SKAP1: variants seen among roughly 807,000 people sequenced by gnomAD.
SKAP1 encodes src kinase associated phosphoprotein 1.
A neutral mutation model predicts 58.5 loss-of-function variants in SKAP1; 44 were observed. That is an observed-to-expected ratio of 0.75 (90% CI 0.59 to 0.97). The LOEUF is 0.97. Ranked by LOEUF, SKAP1 falls within the 50% of genes least tolerant of loss-of-function variation. The pLI is 0.00. For synonymous variants in SKAP1, 127 were observed against 149.7 expected (o/e 0.85, Z 1.11); for missense variants, 390 against 435.2 (o/e 0.90, Z 0.92).
intron 11 of SKAP1, among the ~76,000 whole-genome samples, chr17:48,149,465 C>T (rs2063872400): frequency 6.6e-6 from 1 of 152,108 alleles, no homozygotes; most frequent in Admixed American, 6.5e-5. Flanking sequence ...TAATTTAATC[C>T]TCAAGATTGT....
At chr17:48,357,198 T>C (rs2066885929) in intron 3 of SKAP1, among the ~76,000 whole-genome samples, 1 of 152,208 alleles carries the variant, frequency 6.6e-6, no homozygotes, top group African/African-American at 2.4e-5. Context: ...CAATGATTTC[T>C]TTTACCTGCA....
intron 4 of SKAP1, among the ~76,000 whole-genome samples, chr17:48,345,663 A>G (rs963968231): frequency 6.6e-6 from 1 of 152,236 alleles, no homozygotes; most frequent in African/African-American, 2.4e-5. Context: ...ATCAATAATG[A>G]TGTCTTCCTG....
intron 4 of SKAP1, among the ~76,000 whole-genome samples, chr17:48,262,984 T>C (rs1325715611): frequency 6.6e-6 from 1 of 152,218 alleles, no homozygotes; most frequent in Admixed American, 6.5e-5. Flanking sequence ...TAGCTTTCAT[T>C]TCAAAACAGT....
At chr17:48,178,624 A>C (rs1344166117) in intron 9 of SKAP1, among the ~76,000 whole-genome samples, 1 of 152,192 alleles carries the variant, frequency 6.6e-6, no homozygotes, top group African/African-American at 2.4e-5. Context: ...TCTAACAGAC[A>C]CCTTCACTCT....
chr17:48,291,861 T>C (rs934877362), intron 4 of SKAP1, among the ~76,000 whole-genome samples: 7 of 152,196 alleles, frequency 4.6e-5, no homozygotes, highest in African/African-American at 1.7e-4. Flanking sequence ...GACTGCATAC[T>C]AGCGTTAATC....
intron 4 of SKAP1, among the ~76,000 whole-genome samples, chr17:48,248,566 C>G (rs1041798786): frequency 4.6e-5 from 7 of 151,834 alleles, no homozygotes; most frequent in Non-Finnish European, 8.8e-5. Flanking sequence ...GACTCCGTCT[C>G]AAAAAAGAAA....
chr17:48,193,941 C>G (rs1042888803), intron 4 of SKAP1, among the ~76,000 whole-genome samples: 1 of 151,874 alleles, frequency 6.6e-6, no homozygotes, highest in African/African-American at 2.4e-5. Flanking sequence ...AAAAAAGAAG[C>G]TTTTTATTCA....
chr17:48,421,940 C>T lies in SKAP1; in HGVS notation c.46+8135G>A, dbSNP rs370010641. Among the ~76,000 whole-genome samples the T allele has an allele frequency of 8.5e-5, 13 of 152,116 alleles. No homozygotes were observed. The East Asian group carries it at 9.7e-4, about 11-fold the overall frequency. On this transcript the variant is annotated intron_variant, in intron 1 of 12. Transcript: ENST00000336915. Reference sequence around the variant, plus strand: ...GAATCCCTAAAAGTCGGGCTGGGAGCGGTGGCTCACACCTGTAATCTCAGC... The same window carrying T: ...GAATCCCTAAAAGTCGGGCTGGGAGTGGTGGCTCACACCTGTAATCTCAGC...
chr17:48,396,561 A>T, intron 2 of SKAP1, 119 bp downstream of exon 2: 1 of 574,432 alleles, frequency 1.7e-6, no homozygotes, highest in Non-Finnish European at 3.0e-6. Context: ...AATATTTATT[A>T]AGTTTCTGCC....
intron 4 of SKAP1, among the ~76,000 whole-genome samples, chr17:48,195,056 A>C (rs1264844226): frequency 2.0e-5 from 3 of 152,194 alleles, no homozygotes; most frequent in African/African-American, 7.2e-5. Context: ...CCTCAAATGT[A>C]CCAAGGTGAG....
intron 2 of SKAP1, among the ~76,000 whole-genome samples, chr17:48,394,134 G>C (rs2067385375): frequency 6.6e-6 from 1 of 151,914 alleles, no homozygotes; most frequent in Non-Finnish European, 1.5e-5. Flanking sequence ...GAGGTCGGGG[G>C]ATCGCTTGAG....
chr17:48,431,657 C>T (rs139701836), upstream of SKAP1, among the ~76,000 whole-genome samples: 131 of 152,218 alleles, frequency 8.6e-4, 1 homozygote, highest in African/African-American at 2.9e-3. Flanking sequence ...ACCAGAGCTC[C>T]GGGGTGGTAT....
At chr17:48,137,391 A>G (rs1242455320) in intron 11 of SKAP1, 54 bp from the exon 12 acceptor site, 2 of 1,244,094 alleles carry the variant, frequency 1.6e-6, no homozygotes, top group Non-Finnish European at 1.2e-6. Context: ...GCTTCTGCTC[A>G]TTTATTCTAG....
intron 5 of SKAP1, among the ~76,000 whole-genome samples, chr17:48,188,586 C>A (rs1366520033): frequency 6.6e-6 from 1 of 152,038 alleles, no homozygotes; most frequent in African/African-American, 2.4e-5. Flanking sequence ...CTTTGACAGG[C>A]TGAAGTGGGA....
At chr17:48,357,592 T>C (rs1301093873) in intron 3 of SKAP1, among the ~76,000 whole-genome samples, 1 of 151,914 alleles carries the variant, frequency 6.6e-6, no homozygotes, top group African/African-American at 2.4e-5. Context: ...ATCGTGCCAC[T>C]GCACTCCAGC....
intron 10 of SKAP1, among the ~76,000 whole-genome samples, chr17:48,165,964 A>G (rs2064133834): frequency 1.3e-5 from 2 of 152,232 alleles, no homozygotes; most frequent in African/African-American, 4.8e-5. Flanking sequence ...GCATTTCTCA[A>G]TGTCTCTCCG....
intron 10 of SKAP1, among the ~76,000 whole-genome samples, chr17:48,164,961 A>G (rs1055266584): frequency 2.0e-5 from 3 of 152,230 alleles, no homozygotes; most frequent in Admixed American, 6.5e-5. Flanking sequence ...TCCAACAGAC[A>G]TGTATACAGT....
chr17:48,165,670 G>T (rs2064130290), intron 10 of SKAP1, among the ~76,000 whole-genome samples: 1 of 152,214 alleles, frequency 6.6e-6, no homozygotes, highest in Admixed American at 6.5e-5. Flanking sequence ...AAAGTGTTGG[G>T]ATTACAGGCA....
chr17:48,233,109 G>A (rs1341337132), intron 4 of SKAP1, among the ~76,000 whole-genome samples: 1 of 152,300 alleles, frequency 6.6e-6, no homozygotes, highest in Non-Finnish European at 1.5e-5. Flanking sequence ...AGAGGAGCTT[G>A]GTTTGGCAAG....
Sources: allele counts gnomAD v4.1 joint callset (sites outside exome capture counted in the v4.1 genomes callset), GRCh38; gene constraint gnomAD v4.1.1; transcripts MANE v1.5; gene names NCBI Gene and HGNC (gene_info 2026-07-23, HGNC 2026-07-21).